The following MMP27 variants were observed in gnomAD, a reference collection of about 807,000 sequenced individuals.
MMP27 encodes the protein matrix metalloproteinase-27.
Under a neutral mutation model 48.1 loss-of-function variants are expected in MMP27, and 51 were observed. The observed-to-expected ratio is 1.06, with a 90% CI of 0.85 to 1.34. The LOEUF is 1.34. MMP27 is among the 40% of genes most tolerant of loss of function. MMP27 has a pLI of 0.00. For missense variants in MMP27, 698 were observed against 619.3 expected, an observed-to-expected ratio of 1.13 and a Z score of -1.35; for synonymous variants, 229 against 208.9, an observed-to-expected ratio of 1.10 and a Z score of -0.83.
At chr11:102,692,722 C>A (rs957639127) in intron 9 of MMP27, among the ~76,000 whole-genome samples, 1 of 152,038 alleles carries the variant, frequency 6.6e-6, no homozygotes, top group South Asian at 2.1e-4. Context: ...GGATTTGGTA[C>A]TTTTTACATA....
chr11:102,698,457 T>C (rs1330334714), intron 4 of MMP27, among the ~76,000 whole-genome samples: 1 of 146,620 alleles, frequency 6.8e-6, no homozygotes, highest in African/African-American at 2.5e-5. Flanking sequence ...AACCGGTGTC[T>C]CAGAAATGGA....
intron 1 of MMP27, among the ~76,000 whole-genome samples, chr11:102,705,363 C>T (rs1050924873): frequency 3.3e-5 from 5 of 152,082 alleles, no homozygotes; most frequent in Admixed American, 6.5e-5. Context: ...CCTTTCTCCT[C>T]GCACTAAACA....
Position 102,694,035 on chromosome 11 carries a change from G to C in MMP27, c.1064C>G (p.Ala355Gly). ...DENFWMIRGY[A>G]VLPDYPKSIH... ...GGATTTGGGATAATCTGGCAAGACA[G>C]CATATCCTCTGATCATCCAGAAGTT... is the stretch of plus-strand genomic sequence containing the variant. Residue 355 changes from alanine to glycine, a missense_variant, in exon 8 of 10, where the codon GCT (alanine) becomes GGT (glycine). By Grantham distance (60) the Ala-to-Gly change is moderately conservative (BLOSUM62 0). Transcript: ENST00000260229. The C allele has an allele frequency of 6.2e-7, 1 of 1,600,038 alleles. No homozygotes were observed. The highest frequency in any genetic ancestry group is 8.5e-7 in the Non-Finnish European group (1 of 1,173,858).
rs975281537 is a variant in MMP27 at position 102,704,628 on chromosome 11, C to T, written c.250G>A (p.Glu84Lys). 4 of 1,614,048 alleles carry T rather than the reference C, an allele frequency of 2.5e-6. No homozygotes were observed. The African/African-American group carries it at 4.0e-5, about 16-fold the overall frequency. ...CCACACCTGGGTGTCTTCATGATCTCAAGGGTGTTTGAGTCCAGTTTTCCA... is the reference window on the plus strand; with the variant it reads ...CCACACCTGGGTGTCTTCATGATCTTAAGGGTGTTTGAGTCCAGTTTTCCA... ...VTGKLDSNTLEIMKTPRCGVP... is the reference protein window; with the variant it reads ...VTGKLDSNTLKIMKTPRCGVP... The change falls in exon 2 of 10, where the codon GAG becomes AAG. Residue 84 changes from glutamate (E) to lysine (K), a missense_variant. Coordinates refer to ENST00000260229, the MANE Select transcript of MMP27 (RefSeq NM_022122.3).
At chr11:102,695,364 CA>C (rs1860805535) in intron 6 of MMP27, among the ~76,000 whole-genome samples, 1 of 152,150 alleles carries the variant, frequency 6.6e-6, no homozygotes, top group African/African-American at 2.4e-5. Context: ...TCTGAGTGCT[CA>C]ATGGTTTTGT....
intron 9 of MMP27, among the ~76,000 whole-genome samples, chr11:102,692,516 C>T (rs187619489): frequency 2.0e-5 from 3 of 152,256 alleles, no homozygotes; most frequent in Admixed American, 2.0e-4. Flanking sequence ...CATTACATTG[C>T]CTGAGGTTCT....
At chr11:102,704,432 G>T in intron 2 of MMP27, 105 bp downstream of exon 2, 1 of 870,506 alleles carries the variant, frequency 1.1e-6, no homozygotes, top group Non-Finnish European at 1.9e-6. Flanking sequence ...GATGTGCTGT[G>T]CACACAGGAA....
intron 9 of MMP27, among the ~76,000 whole-genome samples, chr11:102,692,730 A>G (rs1365006957): frequency 3.3e-5 from 5 of 152,194 alleles, no homozygotes; most frequent in Non-Finnish European, 7.3e-5. Context: ...TACTTTTTAC[A>G]TAGATTTGAG....
chr11:102,702,936 T>C, intron 3 of MMP27, 34 bp downstream of exon 3: 1 of 1,612,070 alleles, frequency 6.2e-7, no homozygotes, highest in Non-Finnish European at 8.5e-7. Flanking sequence ...TCTCCTGAGA[T>C]AAAAATAGCT....
intron 4 of MMP27, among the ~76,000 whole-genome samples, chr11:102,699,545 G>C (rs1175592726): frequency 1.3e-5 from 2 of 152,178 alleles, no homozygotes; most frequent in African/African-American, 4.8e-5. Context: ...TGGAGCCTAA[G>C]GAAAACCTCA....
rs555748387 is a variant in MMP27 at position 102,704,583 on chromosome 11, A to G, written c.295T>C (p.Tyr99His). ...PRCGVPDVGQ[Y>H]GYTLPGWRKY... ...CTCCACCCAGGGAGGGTGTAGCCAT[A>G]CTGGCCCACATCAGGCACCCCACAC... is the stretch of plus-strand genomic sequence containing the variant. Residue 99 changes from tyrosine to histidine, a missense_variant, in exon 2 of 10, where the codon TAT becomes CAT. Transcript: ENST00000260229. The G allele has an allele frequency of 3.6e-4, 578 of 1,614,200 alleles. 8 individuals are homozygous for G. The South Asian group carries it at 6.1e-3, about 17-fold the overall frequency.
chr11:102,699,721 T>C (rs1860902839), intron 4 of MMP27, among the ~76,000 whole-genome samples: 1 of 152,148 alleles, frequency 6.6e-6, no homozygotes, highest in Non-Finnish European at 1.5e-5. Context: ...ACTGGAAAAA[T>C]GACTGTTGGG....
chr11:102,703,761 T>C (rs542133190), intron 2 of MMP27, among the ~76,000 whole-genome samples: 1 of 152,280 alleles, frequency 6.6e-6, no homozygotes, highest in East Asian at 1.9e-4. Context: ...TGAACTCAGG[T>C]GATCCGTCTG....
chr11:102,703,159 A>T (rs752175484), intron 2 of MMP27, 41 bp from the exon 3 acceptor site: 1 of 1,574,870 alleles, frequency 6.3e-7, no homozygotes, highest in Admixed American at 1.7e-5. Flanking sequence ...TGGCTTATTC[A>T]TGCATGAATA....
rs1367180100 is a variant in MMP27, at chr11:102,702,818, G to T, written c.554C>A (p.Pro185His). The T allele has an allele frequency of 6.8e-6, 11 of 1,613,960 alleles. No individual in the cohort carries two copies. Among genetic ancestry groups the T allele is most frequent in the Non-Finnish European group, 9.3e-6 (11 of 1,179,956 alleles). Residue 185 changes from proline (P) to histidine (H), a missense_variant, in exon 4 of 10, where the codon CCT becomes CAT. Transcript: ENST00000260229. ...AGTGTCACCACCCAGACCCGGACCA[G>T]GAGGAAAGGCATGGCCAAGCACTCC... The part of the protein sequence containing the change: ...PLGVLGHAFP[P>H]GPGLGGDTHF...
At chr11:102,697,747 C>T (rs1860858281) in intron 4 of MMP27, among the ~76,000 whole-genome samples, 1 of 152,144 alleles carries the variant, frequency 6.6e-6, no homozygotes, top group Non-Finnish European at 1.5e-5. Flanking sequence ...TAAAGCAATC[C>T]TCCGGCTTGG....
intron 6 of MMP27, 122 bp from the exon 7 acceptor site, chr11:102,695,219 A>G (rs1481241601): frequency 1.8e-6 from 2 of 1,133,700 alleles, no homozygotes; most frequent in African/African-American, 3.1e-5. Context: ...TGAGATAATT[A>G]GCATAATTTT....
In MMP27 at chr11:102,696,696, G is replaced by A. The variant is rs147904151; in HGVS notation, c.759C>T (p.Ile253=). 18 of 1,613,404 alleles carry A rather than the reference G, an allele frequency of 1.1e-5. No homozygotes were observed. The African/African-American group carries it at 2.1e-4, about 19-fold the overall frequency. Residue 253 remains isoleucine, a synonymous_variant, in exon 5 of 10, where the codon ATC becomes ATT. Coordinates refer to ENST00000260229, the MANE Select transcript of MMP27 (RefSeq NM_022122.3). ...CACCATAGATGGACTGGATTCCATT[G>A]ATATCATCCTGAGAAAGTGGGTATT... ...PRKYPLSQDD[I]NGIQSIYGGL...
intron 4 of MMP27, among the ~76,000 whole-genome samples, chr11:102,701,709 G>A (rs1391896703): frequency 6.6e-6 from 1 of 152,152 alleles, no homozygotes; most frequent in Non-Finnish European, 1.5e-5. Context: ...GATTTTGCCT[G>A]CTGCTGCCTG....
Sources: allele counts gnomAD v4.1 joint callset (sites outside exome capture counted in the v4.1 genomes callset), GRCh38; gene constraint gnomAD v4.1.1; transcripts MANE v1.5; gene names NCBI Gene and HGNC (gene_info 2026-07-23, HGNC 2026-07-21).